ANO10: variants seen among roughly 807,000 people sequenced by gnomAD.
The protein encoded by ANO10 is anoctamin-10.
ANO10 carries 77 observed loss-of-function variants against 74.7 expected under a neutral mutation model. The ratio of observed to expected loss-of-function variants is 1.03; its 90% CI spans 0.86 to 1.25. The LOEUF (loss-of-function observed/expected upper bound fraction) is 1.25. ANO10 is among the 50% of genes most tolerant of loss of function. The pLI, the probability that ANO10 is intolerant of heterozygous loss-of-function variation, is 0.00. For synonymous variants in ANO10, 279 were observed against 284.9 expected, an observed-to-expected ratio of 0.98 and a Z score of 0.21; for missense variants, 721 against 778.1, an observed-to-expected ratio of 0.93 and a Z score of 0.87.
chr3:43,669,340 A>G (rs1396255414), intron 1 of ANO10, among the ~76,000 whole-genome samples: 1 of 152,092 alleles, frequency 6.6e-6, no homozygotes, highest in African/African-American at 2.4e-5. Flanking sequence ...TCTCTGTGAG[A>G]ATCTGGTAGC....
intron 10 of ANO10, among the ~76,000 whole-genome samples, chr3:43,552,716 A>ATG (rs1559687928): frequency 2.2e-5 from 3 of 134,908 alleles, no homozygotes; most frequent in Non-Finnish European, 3.1e-5. Flanking sequence ...ATATATATAT[A>ATG]TATATATATA....
chr3:43,643,232 C>A (rs183797932), intron 1 of ANO10, among the ~76,000 whole-genome samples: 164 of 151,184 alleles, frequency 1.1e-3, no homozygotes, highest in African/African-American at 3.9e-3. Flanking sequence ...GGGGTTTCAC[C>A]GTGTTAGCCA....
At chr3:43,397,039 C>T (rs910756057) in intron 12 of ANO10, among the ~76,000 whole-genome samples, 19 of 151,652 alleles carry the variant, frequency 1.3e-4, no homozygotes, top group African/African-American at 4.1e-4. Flanking sequence ...AAGAGATTCT[C>T]CTGCCTCAGC....
chr3:43,537,682 T>C (rs1268115061), intron 11 of ANO10, among the ~76,000 whole-genome samples: 1 of 151,126 alleles, frequency 6.6e-6, no homozygotes, highest in Non-Finnish European at 1.5e-5. Context: ...TAGGAAGAAA[T>C]TTTCTTAGAA....
At chr3:43,581,750 A>G (rs1371346926) in intron 4 of ANO10, among the ~76,000 whole-genome samples, 2 of 150,318 alleles carry the variant, frequency 1.3e-5, no homozygotes, top group Non-Finnish European at 3.0e-5. Context: ...CAAGACCTCC[A>G]TCTCTACAAA....
At chr3:43,559,980 T>C (rs2079948380) in intron 9 of ANO10, among the ~76,000 whole-genome samples, 1 of 152,184 alleles carries the variant, frequency 6.6e-6, no homozygotes, top group African/African-American at 2.4e-5. Flanking sequence ...ACTATGTGTT[T>C]ATACTTTGAA....
chr3:43,580,415 T>C lies in ANO10; in HGVS notation c.530A>G (p.Glu177Gly). Residue 177 changes from glutamate to glycine, a missense_variant, in exon 5 of 13, where the codon GAA becomes GGA. Glu to Gly is a moderately conservative substitution (Grantham distance 98). Transcript: ENST00000292246. ...GGTGTCCTCAAGCTTCTTCAGGGCT[T>C]CACTGTCATGCAGTGGAAACACCTG... is the stretch of plus-strand genomic sequence containing the variant. ...VIQVFPLHDSEALKKLEDTWY... is the reference protein window; with the variant it reads ...VIQVFPLHDSGALKKLEDTWY... 1 of 1,614,094 alleles carries C rather than the reference T, an allele frequency of 6.2e-7. No individual in the cohort carries two copies. Among genetic ancestry groups the C allele is most frequent in the Non-Finnish European group, 8.5e-7 (1 of 1,179,990 alleles).
chr3:43,540,653 AAACTC>A (rs2078914346), intron 11 of ANO10, among the ~76,000 whole-genome samples: 2 of 152,232 alleles, frequency 1.3e-5, no homozygotes, highest in South Asian at 4.1e-4. Context: ...GGTGAGCCAT[AAACTC>A]AGTGAGTGGA....
At chr3:43,687,745 ACT>A (rs2084293323) in intron 1 of ANO10, among the ~76,000 whole-genome samples, 1 of 152,082 alleles carries the variant, frequency 6.6e-6, no homozygotes, top group African/African-American at 2.4e-5. Flanking sequence ...CTGGCCTTAA[ACT>A]CTGAGAGGTC....
At chr3:43,579,317 T>C (rs1003186552) in intron 5 of ANO10, among the ~76,000 whole-genome samples, 1 of 152,228 alleles carries the variant, frequency 6.6e-6, no homozygotes, top group African/African-American at 2.4e-5. Context: ...GGCCTGCTAG[T>C]TGCCCTAAGT....
At chr3:43,585,504 A>G (rs1370640681) in intron 4 of ANO10, among the ~76,000 whole-genome samples, 1 of 152,184 alleles carries the variant, frequency 6.6e-6, no homozygotes, top group East Asian at 1.9e-4. Flanking sequence ...ATTCATCTTA[A>G]AATTTCTCTC....
At chr3:43,427,736 G>A (rs1409076632) in intron 12 of ANO10, among the ~76,000 whole-genome samples, 1 of 152,164 alleles carries the variant, frequency 6.6e-6, no homozygotes, top group Non-Finnish European at 1.5e-5. Flanking sequence ...AAAGCAGATA[G>A]TTAAATGTCA....
chr3:43,591,745 G>A (rs191761623), intron 4 of ANO10, among the ~76,000 whole-genome samples: 5 of 152,322 alleles, frequency 3.3e-5, no homozygotes, highest in African/African-American at 7.2e-5. Context: ...CTCGTTGGAC[G>A]GTGGGTGCAG....
At chr3:43,398,288 G>T (rs985378166) in intron 12 of ANO10, among the ~76,000 whole-genome samples, 2 of 152,044 alleles carry the variant, frequency 1.3e-5, no homozygotes, top group African/African-American at 4.8e-5. Context: ...ATCTATTGTG[G>T]GATTTTGTAC....
chr3:43,655,706 G>A lies in ANO10; in HGVS notation c.-12+35811C>T, dbSNP rs2083841813. ...ACAAAGGTTCTCCAAGGCCCCACCAGAGCAGCTAGATAGAGTGTTGATTGG... is the reference window on the plus strand; with the variant it reads ...ACAAAGGTTCTCCAAGGCCCCACCAAAGCAGCTAGATAGAGTGTTGATTGG... On this transcript the variant is annotated intron_variant, in intron 1 of 3. Transcript: ENST00000413397. 1.3e-5 allele frequency among the ~76,000 whole-genome samples: 2 copies of A among 152,238 alleles called. 1 individual carries two copies. Among genetic ancestry groups the A allele is most frequent in the Non-Finnish European group, 2.9e-5 (2 of 68,050 alleles).
At chr3:43,433,200 G>C (rs2093016814) in intron 11 of ANO10, among the ~76,000 whole-genome samples, 1 of 151,822 alleles carries the variant, frequency 6.6e-6, no homozygotes, top group Non-Finnish European at 1.5e-5. Context: ...ACCCACCTTG[G>C]CCTCCCAAAG....
intron 11 of ANO10, among the ~76,000 whole-genome samples, chr3:43,504,307 GA>G (rs1559623137): frequency 1.6e-3 from 244 of 148,232 alleles, no homozygotes; most frequent in Middle Eastern, 7.1e-3. Flanking sequence ...TAGGTAGATA[GA>G]TAGATAGATA....
intron 12 of ANO10, among the ~76,000 whole-genome samples, chr3:43,394,088 A>G (rs4128530): frequency 0.47 from 71,012 of 151,966 alleles, 18,756 homozygotes; most frequent in East Asian, 0.77. Flanking sequence ...GGGGAAGTTT[A>G]GGGTGGCTGG....
At chr3:43,654,407 AT>A (rs2149570066) in intron 1 of ANO10, among the ~76,000 whole-genome samples, 1 of 152,228 alleles carries the variant, frequency 6.6e-6, no homozygotes, top group Admixed American at 6.5e-5. Flanking sequence ...ATAATCTTTA[AT>A]GGGAAAAATA....
Sources: allele counts gnomAD v4.1 joint callset (sites outside exome capture counted in the v4.1 genomes callset), GRCh38; gene constraint gnomAD v4.1.1; transcripts MANE v1.5; gene names NCBI Gene and HGNC (gene_info 2026-07-23, HGNC 2026-07-21).